The following TTC39A variants were observed in gnomAD, a reference collection of about 807,000 sequenced individuals.
TTC39A encodes the protein tetratricopeptide repeat protein 39A.
In TTC39A, 46 loss-of-function variants were observed where a neutral mutation model predicts 82.3. The observed-to-expected ratio is 0.56, with a 90% confidence interval of 0.44 to 0.71. The LOEUF is 0.71. Among genes scored for constraint, TTC39A ranks in the 30% least tolerant of loss-of-function variants. TTC39A has a pLI of 0.00. For synonymous variants in TTC39A, 254 were observed against 275.2 expected (o/e 0.92, Z 0.76); for missense variants, 543 against 712.9 (o/e 0.76, Z 2.71).
intron 6 of TTC39A, among the ~76,000 whole-genome samples, chr1:51,308,562 T>C (rs1644961251): frequency 6.6e-6 from 1 of 152,214 alleles, no homozygotes; most frequent in African/African-American, 2.4e-5. Context: ...TTAATGGAAA[T>C]AAGTTTTAAT....
intron 2 of TTC39A, among the ~76,000 whole-genome samples, chr1:51,316,324 G>A (rs768895766): frequency 1.3e-5 from 2 of 151,994 alleles, no homozygotes; most frequent in Admixed American, 6.6e-5. Flanking sequence ...GGATGCCGCC[G>A]CCTTCCCAGC....
rs938572342 is a variant in TTC39A, at chr1:51,294,610, T to C, written c.1146-99A>G. ...GCTATGCTTGGCGCCTCTCTGGGCC[T>C]CAGTTTCCCCATCTGCACAATGACA... is the stretch of plus-strand genomic sequence containing the variant. On this transcript the variant is annotated intron_variant, in intron 13 of 17. Transcript: ENST00000680483. This position sits in a 1 kb window ranked among gnomAD's most constrained non-coding sequence, Gnocchi z 4.3. 18 of 1,530,798 alleles carry C rather than the reference T, an allele frequency of 1.2e-5. No individual in the cohort carries two copies. In the African/African-American group the frequency reaches 1.6e-4, roughly 14 times the overall value. 94.8% of individuals were successfully genotyped at this position (1,530,798 alleles called of 1,614,324 possible). A position where few individuals can be genotyped will look rare whatever the true frequency, so the allele number is the denominator to read the frequency against.
Position 51,288,426 on chromosome 1 carries a change from G to T in TTC39A, c.1611-146C>A. The T allele has an allele frequency of 1.5e-6, 2 of 1,361,430 alleles. No homozygotes were observed. Among genetic ancestry groups the T allele is most frequent in the Non-Finnish European group, 9.9e-7 (1 of 1,006,748 alleles). 84.3% of individuals were successfully genotyped at this position (1,361,430 alleles called of 1,614,324 possible). A position where few individuals can be genotyped will look rare whatever the true frequency, so the allele number is the denominator to read the frequency against. Reference sequence around the variant, plus strand: ...AGAGAGAGTTGAGCCCTACCCAATGGGAGAGTTAACCAGAAGGGTTTGTGG... The same window carrying T: ...AGAGAGAGTTGAGCCCTACCCAATGTGAGAGTTAACCAGAAGGGTTTGTGG... On this transcript the variant is annotated intron_variant, in intron 17 of 17. Transcript: ENST00000680483. This position sits in a 1 kb window ranked among gnomAD's most constrained non-coding sequence, Gnocchi z 4.8.
In TTC39A at chr1:51,295,696, C is replaced by T. The variant is rs74080520; in HGVS notation, c.1145+383G>A. The T allele has an allele frequency of 3.2e-3, 749 of 233,622 alleles. 6 individuals are homozygous for T. Among genetic ancestry groups the T allele is most frequent in the African/African-American group, 0.015 (691 of 45,896 alleles). 14.5% of individuals were successfully genotyped at this position (233,622 alleles called of 1,614,324 possible). A position where few individuals can be genotyped will look rare whatever the true frequency, so the allele number is the denominator to read the frequency against. ...GGGTTTACTCTTGTTTGTTCGATTCCGACTGTCAGCTCTCTACTGTGCTTC... is the reference window on the plus strand; with the variant it reads ...GGGTTTACTCTTGTTTGTTCGATTCTGACTGTCAGCTCTCTACTGTGCTTC... On this transcript the variant is annotated intron_variant, in intron 13 of 17. Transcript: ENST00000680483.
intron 1 of TTC39A, among the ~76,000 whole-genome samples, chr1:51,344,197 T>TCAAAC (rs1289980422): frequency 2.0e-5 from 3 of 152,184 alleles, no homozygotes; most frequent in Admixed American, 1.3e-4. Flanking sequence ...GCTTGCCAAG[T>TCAAAC]TTGAGGTGTT....
rs117561210 is a variant in TTC39A, at chr1:51,289,310, C to T, written c.1494-355G>A. Reference sequence around the variant, plus strand: ...CCCCAAGTCCTCCTTGCCCGGTACCCTTTCTGGCTGTCTTCTTTGGGATAC... The same window carrying T: ...CCCCAAGTCCTCCTTGCCCGGTACCTTTTCTGGCTGTCTTCTTTGGGATAC... On this transcript the variant is annotated intron_variant, in intron 16 of 17. Transcript: ENST00000680483. Among the ~76,000 whole-genome samples, 153 of 152,356 alleles carry T rather than the reference C, an allele frequency of 1.0e-3. 1 individual carries two copies. The East Asian group carries it at 0.028, about 28-fold the overall frequency.
chr1:51,306,853 A>ACCCCCCCCC (rs3068549), intron 6 of TTC39A, among the ~76,000 whole-genome samples: 121 of 60,160 alleles, frequency 2.0e-3, no homozygotes, highest in African/African-American at 3.2e-3. Context: ...TAAGGGACAG[A>ACCCCCCCCC]CCCCCCCCCC....
At chr1:51,307,626 T>C (rs753284658) in intron 6 of TTC39A, among the ~76,000 whole-genome samples, 5 of 150,750 alleles carry the variant, frequency 3.3e-5, no homozygotes, top group African/African-American at 7.4e-5. Flanking sequence ...TCCCAGCCAC[T>C]CGGGAGGCTG....
chr1:51,323,202 T>C (rs2148286507), intron 1 of TTC39A, among the ~76,000 whole-genome samples: 1 of 152,278 alleles, frequency 6.6e-6, no homozygotes, highest in South Asian at 2.1e-4. Flanking sequence ...ATAATCATCT[T>C]TGCCACATCC....
rs745412747 is a variant in TTC39A, at chr1:51,321,845, G to T, written c.42-20C>A. On this transcript the variant is annotated intron_variant, in intron 1 of 17. Transcript: ENST00000680483. The surrounding 1 kb of genome is among the most constrained non-coding windows in gnomAD (Gnocchi z 4.6). ...GGAGTCCTGGGGGAAGAGATGCGGGGCATGACACAGGGGCCCTCCAACCCT... is the reference window on the plus strand; with the variant it reads ...GGAGTCCTGGGGGAAGAGATGCGGGTCATGACACAGGGGCCCTCCAACCCT... 2 of 1,601,982 alleles carry T rather than the reference G, an allele frequency of 1.2e-6. No homozygotes were observed. Among genetic ancestry groups the T allele is most frequent in the Non-Finnish European group, 8.5e-7 (1 of 1,172,198 alleles).
chr1:51,296,143 A>G lies in TTC39A; in HGVS notation c.1081T>C (p.Tyr361His), dbSNP rs1470286085. 3 of 1,598,664 alleles carry G rather than the reference A, an allele frequency of 1.9e-6. No homozygotes were observed. The African/African-American group carries it at 4.0e-5, about 21-fold the overall frequency. The part of the protein sequence containing the change: ...KATYIYMKAA[Y>H]LSMFGKEDHK... ...TCCTCCTTCCCAAACATGCTGAGGTAGGCGGCCTTCATGTAAATGTAGGTG... is the reference window on the plus strand; with the variant it reads ...TCCTCCTTCCCAAACATGCTGAGGTGGGCGGCCTTCATGTAAATGTAGGTG... The change falls in exon 13 of 18, where the codon TAC becomes CAC. Residue 361 changes from tyrosine to histidine, a missense_variant. By Grantham distance (83) the Tyr-to-His change is moderately conservative. Transcript: ENST00000680483.
chr1:51,304,685 G>T (rs1041783102), intron 8 of TTC39A, among the ~76,000 whole-genome samples: 1 of 152,236 alleles, frequency 6.6e-6, no homozygotes. Flanking sequence ...TCAGGCATCT[G>T]CTGGATGAAG....
chr1:51,321,598 A>G lies in TTC39A; in HGVS notation c.146+123T>C, dbSNP rs1645520669. On this transcript the variant is annotated intron_variant, in intron 2 of 17. Coordinates refer to ENST00000680483, the MANE Select transcript of TTC39A (RefSeq NM_001297663.2). The surrounding 1 kb of genome is among the most constrained non-coding windows in gnomAD (Gnocchi z 4.6). ...TTGAGCCATTTTTATGGGACTTCTC[A>G]GAGGTCCTGGTGACCCAGAAAGCCA... is the stretch of plus-strand genomic sequence containing the variant. 2.4e-6 allele frequency: 2 copies of G among 844,850 alleles called. No individual in the cohort carries two copies. Among genetic ancestry groups the G allele is most frequent in the Non-Finnish European group, 3.8e-6 (2 of 526,062 alleles). The allele number at this position is 844,850 out of a possible 1,614,324, so 52.3% of individuals were successfully genotyped here. A position where few individuals can be genotyped will look rare whatever the true frequency, so the allele number is the denominator to read the frequency against.
rs751929160 is a variant in TTC39A, at chr1:51,309,251, C to A, written c.488+10G>T. 3.5e-5 allele frequency: 56 copies of A among 1,601,734 alleles called. No homozygotes were observed. Among genetic ancestry groups the A allele is most frequent in the Non-Finnish European group, 4.4e-5 (52 of 1,173,430 alleles). On this transcript the variant is annotated intron_variant, in intron 6 of 17. Transcript: ENST00000680483. ...GGTCTCCCCACAAGCGGATGGCCAGCCCCACTCACTTGTAGGTCTGGTAGC... is the reference window on the plus strand; with the variant it reads ...GGTCTCCCCACAAGCGGATGGCCAGACCCACTCACTTGTAGGTCTGGTAGC...
At chr1:51,306,876 T>G (rs1420904330) in intron 6 of TTC39A, among the ~76,000 whole-genome samples, 1 of 42,222 alleles carries the variant, frequency 2.4e-5, no homozygotes, top group African/African-American at 1.1e-4. Flanking sequence ...GCCCCCCGAT[T>G]GAGTCACTAT....
chr1:51,299,137 G>A (rs1439833289), intron 12 of TTC39A: 1 of 152,214 alleles, frequency 6.6e-6, no homozygotes, highest in East Asian at 1.9e-4. Flanking sequence ...AGATAAGTTG[G>A]TTTACTTAGG....
At chr1:51,330,606 G>A (rs1557746650), upstream of TTC39A, 1 of 983,298 alleles carries the variant, frequency 1.0e-6, no homozygotes, top group South Asian at 4.6e-5. The surrounding 1 kb of genome is among the most constrained non-coding windows in gnomAD (Gnocchi z 4.5). Flanking sequence ...GCCGGGGGCG[G>A]GGAAGGCGGC....
intron 1 of TTC39A, among the ~76,000 whole-genome samples, chr1:51,327,058 CCCCCACTCT>C (rs1310181545): frequency 6.6e-6 from 1 of 152,200 alleles, no homozygotes; most frequent in Non-Finnish European, 1.5e-5. Flanking sequence ...CCTGGAGCCG[CCCCCACTCT>C]CCCCTTCCCT....
chr1:51,339,019 T>C (rs1646005528), intron 1 of TTC39A, among the ~76,000 whole-genome samples: 1 of 152,208 alleles, frequency 6.6e-6, no homozygotes, highest in African/African-American at 2.4e-5. Flanking sequence ...GCAGTTTCTT[T>C]CAACCTGAGA....
Sources: allele counts gnomAD v4.1 joint callset (sites outside exome capture counted in the v4.1 genomes callset), GRCh38; gene constraint gnomAD v4.1.1; non-coding constraint Gnocchi (gnomAD v3.1); transcripts MANE v1.5; gene names NCBI Gene and HGNC (gene_info 2026-07-23, HGNC 2026-07-21).